The following EVL variants were observed in gnomAD, a reference collection of about 807,000 sequenced individuals.
EVL encodes the protein ena/VASP-like protein.
EVL carries 21 observed loss-of-function variants against 59.6 expected under a neutral mutation model. That is an observed-to-expected ratio of 0.35 (90% CI 0.25 to 0.51). The LOEUF (loss-of-function observed/expected upper bound fraction) is 0.51, where lower values mean the gene tolerates loss of function less well. Among genes scored for constraint, EVL ranks in the 20% least tolerant of loss-of-function variants. EVL has a pLI of 0.97. For missense variants in EVL, 462 were observed against 546.6 expected (o/e 0.85, Z 1.54); for synonymous variants, 198 against 203.5 (o/e 0.97, Z 0.23).
chr14:100,068,215 A>G (rs2061974726), intron 1 of EVL, among the ~76,000 whole-genome samples: 1 of 152,180 alleles, frequency 6.6e-6, no homozygotes, highest in Admixed American at 6.5e-5. Flanking sequence ...TTGGGGTGGA[A>G]AGGGCAGCAA....
At position 100,144,000 on chromosome 14, in the gene EVL, C is replaced by A. The variant is rs369104665; in HGVS notation, c.*262C>A. ...ATATTTGCTTATTTAAGGTACATTTCTTTGGGTTTCTAGAGACGCCCCTAA... is the reference window on the plus strand; with the variant it reads ...ATATTTGCTTATTTAAGGTACATTTATTTGGGTTTCTAGAGACGCCCCTAA... On this transcript the variant is annotated 3_prime_UTR_variant, in exon 14 of 14. Transcript: ENST00000392920. 54 of 525,030 alleles carry A rather than the reference C, an allele frequency of 1.0e-4. No individual in the cohort carries two copies. Among genetic ancestry groups the A allele is most frequent in the Middle Eastern group, 8.7e-4 (2 of 2,298 alleles). The allele number at this position is 525,030 out of a possible 1,614,324, so 32.5% of individuals were successfully genotyped here.
intron 3 of EVL, among the ~76,000 whole-genome samples, chr14:100,101,406 A>C (rs1417539019): frequency 2.0e-5 from 3 of 152,154 alleles, no homozygotes; most frequent in African/African-American, 7.2e-5. Flanking sequence ...GCTTGAACCC[A>C]GGGGGCGGGA....
At chr14:100,065,606 C>T in intron 1 of EVL, 95 bp downstream of exon 1, 1 of 650,130 alleles carries the variant, frequency 1.5e-6, no homozygotes, top group Non-Finnish European at 2.4e-6. Context: ...CTCAGGTCCC[C>T]TTAGTATACT....
intron 2 of EVL, among the ~76,000 whole-genome samples, chr14:100,090,391 C>G (rs1331489418): frequency 1.3e-5 from 2 of 152,170 alleles, no homozygotes; most frequent in Non-Finnish European, 2.9e-5. Flanking sequence ...CAATGCCAGT[C>G]TTACATTACT....
intron 1 of EVL, among the ~76,000 whole-genome samples, chr14:100,006,279 T>C (rs1267597029): frequency 6.7e-6 from 1 of 148,546 alleles, no homozygotes; most frequent in Non-Finnish European, 1.5e-5. Context: ...AGCTGGTTGT[T>C]AATCTTTTTT....
Position 99,972,327 on chromosome 14 carries a change from G to A in EVL, c.5+270G>A, listed in dbSNP as rs1165719955. Among the ~76,000 whole-genome samples, 3 of 152,128 alleles carry A rather than the reference G, an allele frequency of 2.0e-5. No individual in the cohort carries two copies. The highest frequency in any genetic ancestry group is 4.4e-5 in the Non-Finnish European group (3 of 68,018). ...GGGGCAGGCGGCGCTGGCTTTGGCT[G>A]CTTGTGGGGTCCTCTTAGGCTCCGG... is the stretch of plus-strand genomic sequence containing the variant. On this transcript the variant is annotated intron_variant, in intron 1 of 13. Coordinates refer to the EVL transcript ENST00000402714. This position sits in a 1 kb window ranked among gnomAD's most constrained non-coding sequence, Gnocchi z 4.4.
chr14:100,135,169 C>CG (rs961187850), intron 8 of EVL: 4 of 152,324 alleles, frequency 2.6e-5, no homozygotes, highest in African/African-American at 9.6e-5. Flanking sequence ...CAGAGCCTCC[C>CG]GGGACTTACT....
intron 3 of EVL, among the ~76,000 whole-genome samples, chr14:100,115,370 G>A (rs535942425): frequency 1.7e-4 from 26 of 152,318 alleles, no homozygotes; most frequent in South Asian, 1.2e-3. Flanking sequence ...CACAAGGGGT[G>A]CTTCTCGCCG....
chr14:100,132,891 C>A, intron 8 of EVL, 112 bp downstream of exon 8: 1 of 1,190,638 alleles, frequency 8.4e-7, no homozygotes, highest in Non-Finnish European at 1.2e-6. Context: ...ATGGGCGCTT[C>A]ATCAGGTGAT....
intron 1 of EVL, among the ~76,000 whole-genome samples, chr14:99,981,960 A>G (rs2060809666): frequency 6.6e-6 from 1 of 152,210 alleles, no homozygotes; most frequent in South Asian, 2.1e-4. Flanking sequence ...AATGTATCGC[A>G]AGTGCTGCAG....
intron 1 of EVL, among the ~76,000 whole-genome samples, chr14:100,010,174 G>GGTAT (rs2061007406): frequency 6.6e-6 from 1 of 152,126 alleles, no homozygotes; most frequent in Admixed American, 6.5e-5. Flanking sequence ...GCAATTTCAA[G>GGTAT]GTATGGCAAG....
At chr14:100,080,448 G>A (rs1302067246) in intron 1 of EVL, among the ~76,000 whole-genome samples, 1 of 152,184 alleles carries the variant, frequency 6.6e-6, no homozygotes, top group Non-Finnish European at 1.5e-5. Flanking sequence ...AGTACTCAGC[G>A]CTTGTCTGAG....
At chr14:100,077,952 T>C (rs1225641095) in intron 1 of EVL, among the ~76,000 whole-genome samples, 3 of 151,998 alleles carry the variant, frequency 2.0e-5, no homozygotes, top group Non-Finnish European at 4.4e-5. Flanking sequence ...TTTTTTTGTA[T>C]TTTTAGTAGA....
chr14:100,018,674 A>G (rs1237203738), intron 1 of EVL, among the ~76,000 whole-genome samples: 1 of 152,202 alleles, frequency 6.6e-6, no homozygotes. Context: ...GATTACAGTT[A>G]GTGACTGATG....
chr14:100,032,532 T>G (rs2061329753), intron 1 of EVL, among the ~76,000 whole-genome samples: 1 of 152,176 alleles, frequency 6.6e-6, no homozygotes. Flanking sequence ...CCAGGACGGC[T>G]TTTCATTGTT....
intron 11 of EVL, chr14:100,140,725 G>A (rs1376502702): frequency 1.9e-5 from 3 of 155,522 alleles, no homozygotes; most frequent in Non-Finnish European, 4.3e-5. Flanking sequence ...GCGCCTCCAG[G>A]CCGGTGTGAA....
At chr14:100,019,917 G>A (rs1289898541) in intron 1 of EVL, among the ~76,000 whole-genome samples, 1 of 152,182 alleles carries the variant, frequency 6.6e-6, no homozygotes, top group Non-Finnish European at 1.5e-5. Context: ...TCTGATCATG[G>A]GTGAATTTGT....
At chr14:100,064,447 C>T (rs1396884810), upstream of EVL, among the ~76,000 whole-genome samples, 2 of 152,142 alleles carry the variant, frequency 1.3e-5, no homozygotes, top group African/African-American at 2.4e-5. Context: ...TAAGTATAAC[C>T]CCATTTTACA....
At chr14:100,031,237 G>A (rs1453804554) in intron 1 of EVL, among the ~76,000 whole-genome samples, 1 of 152,164 alleles carries the variant, frequency 6.6e-6, no homozygotes, top group Admixed American at 6.5e-5. Flanking sequence ...ATATGTGCAG[G>A]TGAAACCCAG....
Sources: allele counts gnomAD v4.1 joint callset (sites outside exome capture counted in the v4.1 genomes callset), GRCh38; gene constraint gnomAD v4.1.1; non-coding constraint Gnocchi (gnomAD v3.1); transcripts MANE v1.5; gene names NCBI Gene and HGNC (gene_info 2026-07-23, HGNC 2026-07-21).